DENND2B: variants seen among roughly 807,000 people sequenced by gnomAD.
DENND2B encodes the protein DENN domain containing 2B.
Under a neutral mutation model 116.0 loss-of-function variants are expected in DENND2B, and 32 were observed. The ratio of observed to expected loss-of-function variants is 0.28; its 90% confidence interval spans 0.21 to 0.37. The LOEUF is 0.37. Among genes scored for constraint, DENND2B ranks in the 10% least tolerant of loss-of-function variants. DENND2B has a pLI of 1.00. For synonymous variants in DENND2B, 588 were observed against 583.9 expected, an observed-to-expected ratio of 1.01 and a Z score of -0.10; for missense variants, 1,276 against 1,477.7, an observed-to-expected ratio of 0.86 and a Z score of 2.24.
chr11:8,861,720 A>G (rs879811367), intron 2 of DENND2B, among the ~76,000 whole-genome samples: 8 of 152,230 alleles, frequency 5.3e-5, no homozygotes, highest in Non-Finnish European at 8.8e-5. Flanking sequence ...TCAAAAAGAT[A>G]CTTGCACAAA....
rs559482829 is a variant in DENND2B, at chr11:8,894,963, G to A, written c.-255-13854C>T. ...ACACATGCACACGTATGTTTATTGC[G>A]GCACTATTCACAATAGCAAAGACTT... On this transcript the variant is annotated intron_variant, in intron 1 of 22. Coordinates refer to the DENND2B transcript ENST00000534127. 3.1e-3 allele frequency among the ~76,000 whole-genome samples: 476 copies of A among 152,122 alleles called. 4 individuals carry two copies. The highest frequency in any genetic ancestry group is 0.011 in the African/African-American group (438 of 41,504).
At position 8,710,871 on chromosome 11, in the gene DENND2B, G is replaced by A. The variant is rs547874989; in HGVS notation, c.2326C>T (p.Arg776Cys). Residue 776 changes from arginine (R) to cysteine (C), a missense_variant, in exon 11 of 20, where the codon CGC becomes TGC. Arg to Cys is a radical substitution (Grantham distance 180). This residue lies in a region of DENND2B where 420 missense variants were observed against 631.1 expected (regional missense o/e 0.67). Coordinates refer to ENST00000313726, the MANE Select transcript of DENND2B (RefSeq NM_213618.2). ...AGTAAGCGCCTGCAGTAGCCAAAGC[G>A]TCTGCTGCCATCTTCCCCAGTCAGC... The part of the protein sequence containing the change: ...FMLTGEDGSR[R>C]FGYCRRLLPS... 19 of 1,613,878 alleles carry A rather than the reference G, an allele frequency of 1.2e-5. No individual in the cohort carries two copies. Among genetic ancestry groups the A allele is most frequent in the Non-Finnish European group, 1.5e-5 (18 of 1,180,018 alleles).
intron 1 of DENND2B, among the ~76,000 whole-genome samples, chr11:8,773,067 G>T (rs1423229327): frequency 6.6e-6 from 1 of 152,104 alleles, no homozygotes; most frequent in Non-Finnish European, 1.5e-5. Context: ...TAATTTCATA[G>T]GAATGTAATT....
intron 1 of DENND2B, among the ~76,000 whole-genome samples, chr11:8,764,942 C>CAAAAAAAAAAAAAAAAAAAAAAAA: frequency 1.0e-5 from 1 of 100,290 alleles, no homozygotes; most frequent in Non-Finnish European, 1.9e-5. Flanking sequence ...GAGACTGTCT[C>CAAAAAAAAAAAAAAAAAAAAAAAA]AAAAAAAAAA....
At chr11:8,780,802 G>A (rs898024210) in intron 1 of DENND2B, among the ~76,000 whole-genome samples, 1 of 152,200 alleles carries the variant, frequency 6.6e-6, no homozygotes, top group African/African-American at 2.4e-5. Context: ...TGGTCCACGA[G>A]GGCTAATGAT....
At chr11:8,793,220 C>A (rs2059537036) in intron 1 of DENND2B, among the ~76,000 whole-genome samples, 1 of 152,150 alleles carries the variant, frequency 6.6e-6, no homozygotes, top group South Asian at 2.1e-4. Context: ...TAAAATTCCC[C>A]ATTTAAAAGT....
chr11:8,701,214 C>T (rs2041538208), intron 14 of DENND2B, among the ~76,000 whole-genome samples: 2 of 152,150 alleles, frequency 1.3e-5, no homozygotes, highest in South Asian at 4.1e-4. Context: ...TGGCAATTCC[C>T]ACCGTTGTCC....
intron 4 of DENND2B, among the ~76,000 whole-genome samples, chr11:8,815,926 A>C (rs762915473): frequency 6.6e-6 from 1 of 152,224 alleles, no homozygotes; most frequent in Non-Finnish European, 1.5e-5. Flanking sequence ...ATGGACCTAC[A>C]TTGTACAAGA....
In DENND2B at chr11:8,795,901, A is replaced by C. The variant is rs139649305; in HGVS notation, c.-26+14616T>G. Reference sequence around the variant, plus strand: ...TCTGCTCATTGTGAATCAGTGATGAAGACCATCTGAACAACACCCTGTAAA... The same window carrying C: ...TCTGCTCATTGTGAATCAGTGATGACGACCATCTGAACAACACCCTGTAAA... On this transcript the variant is annotated intron_variant, in intron 1 of 19. Coordinates refer to ENST00000313726, the MANE Select transcript of DENND2B (RefSeq NM_213618.2). Among the ~76,000 whole-genome samples, 264 of 152,340 alleles carry C rather than the reference A, an allele frequency of 1.7e-3. 2 individuals carry two copies. The highest frequency in any genetic ancestry group is 5.0e-3 in the South Asian group (24 of 4,828).
At chr11:8,815,752 C>A (rs773699800) in intron 4 of DENND2B, among the ~76,000 whole-genome samples, 11 of 152,220 alleles carry the variant, frequency 7.2e-5, no homozygotes, top group African/African-American at 9.7e-5. Flanking sequence ...TACTTGCACA[C>A]CTGTCTCCCC....
chr11:8,876,361 C>G (rs911832319), upstream of DENND2B, among the ~76,000 whole-genome samples: 7 of 151,772 alleles, frequency 4.6e-5, no homozygotes, highest in African/African-American at 1.7e-4. Context: ...AATAAGTAAA[C>G]TGAATTGTGT....
At chr11:8,787,698 C>A (rs1476557059) in intron 1 of DENND2B, among the ~76,000 whole-genome samples, 2 of 152,216 alleles carry the variant, frequency 1.3e-5, no homozygotes, top group Non-Finnish European at 2.9e-5. Flanking sequence ...CTTCAGAATC[C>A]AGGAGATGCT....
chr11:8,776,185 C>CA (rs1555185850), intron 1 of DENND2B: 13 of 452,456 alleles, frequency 2.9e-5, no homozygotes, highest in Non-Finnish European at 5.8e-5. Context: ...CACACACACA[C>CA]ACCTACCTCT....
intron 4 of DENND2B, chr11:8,832,432 C>T (rs529003035): frequency 8.0e-6 from 1 of 124,942 alleles, no homozygotes; most frequent in African/African-American, 3.1e-5. Context: ...AGCCTGGCAA[C>T]AGAGCGAGAC....
In DENND2B at chr11:8,693,455, C is replaced by T. The variant is rs2039777880; in HGVS notation, c.*641G>A. The T allele has an allele frequency of 6.5e-6, 1 of 152,806 alleles. No homozygotes were observed. Among genetic ancestry groups the T allele is most frequent in the Admixed American group, 6.5e-5 (1 of 15,278 alleles). 9.5% of individuals were successfully genotyped at this position (152,806 alleles called of 1,614,324 possible). A position where few individuals can be genotyped will look rare whatever the true frequency, so the allele number is the denominator to read the frequency against. ...GCCACCACTGACTGGGAGCCAGGCC[C>T]AGAGAGCACTGGCAGAGCTGGGGGT... On this transcript the variant is annotated 3_prime_UTR_variant, in exon 20 of 20. Transcript: ENST00000313726.
intron 2 of DENND2B, among the ~76,000 whole-genome samples, chr11:8,857,678 C>G (rs2063241750): frequency 6.6e-6 from 1 of 152,186 alleles, no homozygotes; most frequent in African/African-American, 2.4e-5. Context: ...TCCCCAACCC[C>G]CAGAGTCCTC....
At chr11:8,766,216 A>T (rs998595031) in intron 1 of DENND2B, among the ~76,000 whole-genome samples, 3 of 152,134 alleles carry the variant, frequency 2.0e-5, no homozygotes, top group Admixed American at 6.6e-5. Flanking sequence ...GGCCCAACCC[A>T]GCCCCAGAAG....
In DENND2B at chr11:8,703,033, GAGA is replaced by G. The variant is rs2041999624; in HGVS notation, c.2572-316_2572-314del. 7 of 323,920 alleles carry G rather than the reference GAGA, an allele frequency of 2.2e-5. No homozygotes were observed. The South Asian group carries it at 2.4e-4, about 11-fold the overall frequency. The allele number at this position is 323,920 out of a possible 1,614,324, so 20.1% of individuals were successfully genotyped here. On this transcript the variant is annotated intron_variant, in intron 13 of 19. Coordinates refer to ENST00000313726, the MANE Select transcript of DENND2B (RefSeq NM_213618.2). Reference sequence around the variant, plus strand: ...AGAGCTGACTGCTCTTAGAGATAGGGAGAAGAAGGGAACCACACAGCCACATCT... The same window carrying G: ...AGAGCTGACTGCTCTTAGAGATAGGGAGAAGGGAACCACACAGCCACATCT...
intron 3 of DENND2B, among the ~76,000 whole-genome samples, chr11:8,856,579 C>T (rs1032121121): frequency 1.4e-4 from 22 of 151,732 alleles, no homozygotes; most frequent in African/African-American, 3.9e-4. Flanking sequence ...ACTGGTCACA[C>T]GTGTCCAAAA....
Sources: allele counts gnomAD v4.1 joint callset (sites outside exome capture counted in the v4.1 genomes callset), GRCh38; gene constraint gnomAD v4.1.1; regional missense constraint gnomAD v4.1.1; transcripts MANE v1.5; gene names NCBI Gene and HGNC (gene_info 2026-07-23, HGNC 2026-07-21).